The following ZBTB1 variants were observed in gnomAD, a reference collection of about 807,000 sequenced individuals.
ZBTB1 encodes zinc finger and BTB domain containing 1, also known as zinc finger and BTB domain-containing protein 1.
Under a neutral mutation model 51.6 loss-of-function variants are expected in ZBTB1, and 13 were observed. The observed-to-expected ratio is 0.25, with a 90% CI of 0.16 to 0.40. The LOEUF is 0.40. Among genes scored for constraint, ZBTB1 ranks in the 10% least tolerant of loss-of-function variants. The pLI is 1.00. For missense variants in ZBTB1, 567 were observed against 856.5 expected, an observed-to-expected ratio of 0.66 and a Z score of 4.22; for synonymous variants, 240 against 282.2, an observed-to-expected ratio of 0.85 and a Z score of 1.50.
At chr14:64,532,088 G>A (rs2079946301) in exon 3 of ZBTB1, 1 of 568,538 alleles carries the variant, frequency 1.8e-6, no homozygotes, top group African/African-American at 1.9e-5. Flanking sequence ...GAATCACTTT[G>A]TTGTAACAAA....
At position 64,521,966 on chromosome 14, in the gene ZBTB1, T is replaced by G. The variant is rs749008388; in HGVS notation, c.462T>G (p.Asn154Lys). Residue 154 changes from asparagine (N) to lysine (K), a missense_variant, in exon 2 of 2, where the codon AAT (asparagine) becomes AAG (lysine). By Grantham distance (94) the Asn-to-Lys change is moderately conservative. Around this residue, in one of 5 missense-constraint regions of ZBTB1, gnomAD observed 74 missense variants for 74.9 expected, o/e 0.99. Transcript: ENST00000683701. The part of the protein sequence containing the change: ...MYEDTVARNG[N>K]EANRWCAEPS... The stretch of plus-strand genomic sequence containing the variant: ...AAGATACTGTGGCTCGAAATGGCAA[T>G]GAAGCCAACAGGTGGTGTGCAGAGC... The G allele has an allele frequency of 9.3e-6, 15 of 1,614,074 alleles. No homozygotes were observed. Among genetic ancestry groups the G allele is most frequent in the Admixed American group, 1.7e-5 (1 of 59,994 alleles).
chr14:64,510,374 C>T (rs1165620117), intron 1 of ZBTB1, among the ~76,000 whole-genome samples: 1 of 152,178 alleles, frequency 6.6e-6, no homozygotes, highest in East Asian at 1.9e-4. Context: ...TTAACACCTA[C>T]TTTATGTAGC....
chr14:64,518,196 C>G (rs1423890044), intron 1 of ZBTB1, among the ~76,000 whole-genome samples: 2 of 152,028 alleles, frequency 1.3e-5, no homozygotes, highest in Non-Finnish European at 2.9e-5. Context: ...GTAGATTTAC[C>G]TTAAGACTCC....
chr14:64,523,905 A>G lies in ZBTB1; in HGVS notation c.*259A>G. 8.6e-7 allele frequency: 1 copy of G among 1,161,634 alleles called. No homozygotes were observed. 72.0% of individuals were successfully genotyped at this position (1,161,634 alleles called of 1,614,324 possible). A position where few individuals can be genotyped will look rare whatever the true frequency, so the allele number is the denominator to read the frequency against. On this transcript the variant is annotated 3_prime_UTR_variant, in exon 2 of 2. Coordinates refer to ENST00000683701, the MANE Select transcript of ZBTB1 (RefSeq NM_001123329.2). The surrounding 1 kb of genome is among the most constrained non-coding windows in gnomAD (Gnocchi z 4.5). ...ATTAAAATTTTTAAATGTAGACTAC[A>G]AGTGGTTGTTACCCATTCAATGACT...
At chr14:64,512,995 A>G (rs1206436353) in intron 1 of ZBTB1, among the ~76,000 whole-genome samples, 5 of 152,198 alleles carry the variant, frequency 3.3e-5, no homozygotes, top group Non-Finnish European at 7.3e-5. Flanking sequence ...CAAAGGTTAT[A>G]TAACACTGTA....
At chr14:64,513,458 C>T (rs943669308) in intron 1 of ZBTB1, among the ~76,000 whole-genome samples, 1 of 152,104 alleles carries the variant, frequency 6.6e-6, no homozygotes, top group African/African-American at 2.4e-5. Context: ...ACATTTCCAG[C>T]CAAGCTGCTG....
intron 1 of ZBTB1, chr14:64,518,653 T>C (rs2079822848): frequency 6.6e-6 from 1 of 152,120 alleles, no homozygotes; most frequent in Admixed American, 6.5e-5. Context: ...TACATGTTCT[T>C]TTTAAGTTCA....
chr14:64,507,979 A>G (rs897257454), intron 1 of ZBTB1, among the ~76,000 whole-genome samples: 3 of 152,148 alleles, frequency 2.0e-5, no homozygotes, highest in African/African-American at 7.2e-5. Flanking sequence ...ATGGAAAGGA[A>G]ATTGGACGAA....
Position 64,522,124 on chromosome 14 carries a change from G to T in ZBTB1, c.620G>T (p.Arg207Leu). The T allele has an allele frequency of 2.5e-6, 4 of 1,614,192 alleles. No homozygotes were observed. Among genetic ancestry groups the T allele is most frequent in the Non-Finnish European group, 3.4e-6 (4 of 1,180,032 alleles). Residue 207 changes from arginine (R) to leucine (L), a missense_variant, in exon 2 of 2, where the codon CGT becomes CTT. Coordinates refer to ENST00000683701, the MANE Select transcript of ZBTB1 (RefSeq NM_001123329.2). ...SVSKLSTPKE[R>L]VSRRFGRSFT... ...TCCAAATTATCTACTCCAAAAGAAC[G>T]TGTGTCAAGACGCTTTGGGCGGAGT...
chr14:64,528,212 A>G (rs923980646), downstream of ZBTB1, among the ~76,000 whole-genome samples: 7 of 152,308 alleles, frequency 4.6e-5, no homozygotes, highest in Non-Finnish European at 8.8e-5. Context: ...CGTTGTTAAC[A>G]AAAAGCCAAA....
At chr14:64,525,806 T>C (rs2079899579), downstream of ZBTB1, among the ~76,000 whole-genome samples, 1 of 152,122 alleles carries the variant, frequency 6.6e-6, no homozygotes, top group African/African-American at 2.4e-5. Context: ...ATACCTCAAC[T>C]TATTTTTTAT....
At chr14:64,525,688 CTTAAT>C (rs2079898624), downstream of ZBTB1, among the ~76,000 whole-genome samples, 1 of 152,214 alleles carries the variant, frequency 6.6e-6, no homozygotes, top group East Asian at 1.9e-4. Flanking sequence ...AGGAAGGGGG[CTTAAT>C]TTAGTCTTTT....
intron 2 of ZBTB1, among the ~76,000 whole-genome samples, chr14:64,530,922 T>C (rs929196951): frequency 3.3e-5 from 5 of 152,210 alleles, no homozygotes; most frequent in Non-Finnish European, 1.5e-5. Context: ...CTAATCATTA[T>C]TGTATTAAGT....
In ZBTB1 at chr14:64,524,756, CA is replaced by C. The variant is rs1457894717; in HGVS notation, c.*1111del. 1.0e-5 allele frequency: 10 copies of C among 981,436 alleles called. No individual in the cohort carries two copies. In the African/African-American group the frequency reaches 1.4e-4, roughly 14 times the overall value. The allele number at this position is 981,436 out of a possible 1,614,324, so 60.8% of individuals were successfully genotyped here. A position where few individuals can be genotyped will look rare whatever the true frequency, so the allele number is the denominator to read the frequency against. ...GCAGTTTATCGCCATATTTTATTATCATTTTTTTCTGTAAAAGACTATAAAA... is the reference window on the plus strand; with the variant it reads ...GCAGTTTATCGCCATATTTTATTATCTTTTTTTCTGTAAAAGACTATAAAA... On this transcript the variant is annotated 3_prime_UTR_variant, in exon 2 of 2. Coordinates refer to ENST00000683701, the MANE Select transcript of ZBTB1 (RefSeq NM_001123329.2).
At chr14:64,529,039 T>C (rs1427917605), downstream of ZBTB1, among the ~76,000 whole-genome samples, 2 of 152,222 alleles carry the variant, frequency 1.3e-5, no homozygotes, top group African/African-American at 2.4e-5. Context: ...TGGCTAGTAA[T>C]AGTGGGTACC....
At chr14:64,520,239 GT>G in intron 1 of ZBTB1, among the ~76,000 whole-genome samples, 1 of 152,134 alleles carries the variant, frequency 6.6e-6, no homozygotes, top group East Asian at 1.9e-4. Context: ...TCCTGACCTC[GT>G]GATCCGCCCG....
At chr14:64,508,806 A>G (rs571940137) in intron 1 of ZBTB1, among the ~76,000 whole-genome samples, 11 of 152,354 alleles carry the variant, frequency 7.2e-5, no homozygotes, top group Admixed American at 4.6e-4. Flanking sequence ...ATTGATAAGC[A>G]AAATAAAACT....
chr14:64,509,874 G>C (rs1168203796), intron 1 of ZBTB1, among the ~76,000 whole-genome samples: 2 of 151,968 alleles, frequency 1.3e-5, no homozygotes, highest in Non-Finnish European at 2.9e-5. Context: ...CTACTCTGGA[G>C]GCTGAGGCAG....
At chr14:64,504,692 A>T (rs559671598), upstream of ZBTB1, 640 of 363,116 alleles carry the variant, frequency 1.8e-3, 18 homozygotes, top group East Asian at 0.025. Context: ...ACTGGTGGGC[A>T]GACCCGGAGT....
Sources: gnomAD v4.1 joint callset for allele counts (sites outside exome capture counted in the v4.1 genomes callset) on GRCh38, gnomAD v4.1.1 for gene constraint, gnomAD v4.1.1 regional missense constraint, Gnocchi (gnomAD v3.1) non-coding constraint, MANE v1.5 for transcripts, NCBI Gene and HGNC (gene_info 2026-07-23, HGNC 2026-07-21) for gene names.